Variants in APP observed in about 807,000 individuals in gnomAD.
The protein encoded by APP is amyloid beta precursor protein, also known as amyloid-beta precursor protein.
A neutral mutation model predicts 101.4 loss-of-function variants in APP; 31 were observed. The observed-to-expected ratio is 0.31, with a 90% CI of 0.23 to 0.41. The LOEUF is 0.41. Ranked by LOEUF, APP falls within the 10% of genes least tolerant of loss-of-function variation. The probability of loss-of-function intolerance (pLI) is 1.00; values close to 1 mark genes in which losing one functional copy is unlikely to be tolerated. For missense variants in APP, 839 were observed against 1,003.7 expected (o/e 0.84, Z 2.22); for synonymous variants, 366 against 364.4 (o/e 1.00, Z -0.05).
At chr21:25,881,814 CTT>C in intron 17 of APP, 43 bp from the exon 18 acceptor site, 2 of 1,573,854 alleles carry the variant, frequency 1.3e-6, no homozygotes, top group Non-Finnish European at 1.7e-6. Flanking sequence ...AAAAATCAAT[CTT>C]TTAAGGGTGA....
chr21:26,080,450 T>G (rs1568948298), intron 3 of APP, among the ~76,000 whole-genome samples: 1 of 152,104 alleles, frequency 6.6e-6, no homozygotes, highest in Non-Finnish European at 1.5e-5. Flanking sequence ...TTTACATGAC[T>G]GAATTAAAAT....
rs150860517 is a variant in APP, at chr21:25,953,608, T to C, written c.1687+982A>G. On this transcript the variant is annotated intron_variant, in intron 13 of 17. Coordinates refer to ENST00000346798, the MANE Select transcript of APP (RefSeq NM_000484.4). Reference sequence around the variant, plus strand: ...CAGATACATATTGCTTATATGTTGGTAGACTACACACTAAATCTCCAGTAT... The same window carrying C: ...CAGATACATATTGCTTATATGTTGGCAGACTACACACTAAATCTCCAGTAT... 3.2e-3 allele frequency among the ~76,000 whole-genome samples: 489 copies of C among 152,340 alleles called. 2 individuals carry two copies. The highest frequency in any genetic ancestry group is 0.01 in the African/African-American group (428 of 41,576).
Position 25,880,847 on chromosome 21 carries a change from G to A in APP, c.*823C>T, listed in dbSNP as rs566047180. 2 of 152,590 alleles carry A rather than the reference G, an allele frequency of 1.3e-5. No individual in the cohort carries two copies. The highest frequency in any genetic ancestry group is 2.9e-5 in the Non-Finnish European group (2 of 68,064). 9.5% of individuals were successfully genotyped at this position (152,590 alleles called of 1,614,324 possible). The stretch of plus-strand genomic sequence containing the variant: ...ATTTATGTAATACAGTGTAGAAAGC[G>A]ATCATGTCATAAGCAATGATTCTGT... On this transcript the variant is annotated 3_prime_UTR_variant, in exon 18 of 18. Coordinates refer to ENST00000346798, the MANE Select transcript of APP (RefSeq NM_000484.4).
At chr21:25,931,115 G>C (rs1444884375) in intron 13 of APP, among the ~76,000 whole-genome samples, 1 of 152,188 alleles carries the variant, frequency 6.6e-6, no homozygotes, top group Admixed American at 6.5e-5. Context: ...CTTTTCACTT[G>C]AAGGGCTCAT....
At chr21:25,916,058 C>T (rs1211849896) in intron 13 of APP, among the ~76,000 whole-genome samples, 1 of 151,904 alleles carries the variant, frequency 6.6e-6, no homozygotes, top group Non-Finnish European at 1.5e-5. Context: ...AAATAACCAC[C>T]CCTGGCTATG....
At chr21:25,888,499 A>G (rs1876064) in intron 17 of APP, among the ~76,000 whole-genome samples, 30,609 of 152,188 alleles carry the variant, frequency 0.2, 3,535 homozygotes, top group South Asian at 0.36. Flanking sequence ...GGCTGCTTTC[A>G]GGAAGGACAG....
intron 6 of APP, among the ~76,000 whole-genome samples, chr21:26,002,720 CA>C (rs2043351703): frequency 6.6e-6 from 1 of 152,066 alleles, no homozygotes; most frequent in East Asian, 1.9e-4. Context: ...GGAGCATTGG[CA>C]ACAAAATTTA....
intron 6 of APP, among the ~76,000 whole-genome samples, chr21:26,018,391 C>T (rs1320057297): frequency 6.6e-6 from 1 of 152,226 alleles, no homozygotes; most frequent in African/African-American, 2.4e-5. Flanking sequence ...AAGCAACCTA[C>T]TTGTAATTAG....
At chr21:25,967,067 A>C (rs1277582717) in intron 11 of APP, among the ~76,000 whole-genome samples, 1 of 152,248 alleles carries the variant, frequency 6.6e-6, no homozygotes, top group Non-Finnish European at 1.5e-5. Flanking sequence ...TTTAATGAAG[A>C]GTCTCACAGA....
At chr21:25,899,333 C>T (rs1304408837) in intron 15 of APP, among the ~76,000 whole-genome samples, 4 of 152,142 alleles carry the variant, frequency 2.6e-5, no homozygotes, top group Non-Finnish European at 4.4e-5. Flanking sequence ...TGCTGATACT[C>T]CTTCCTTCAA....
At chr21:25,939,761 GTTAATATCC>G (rs1288475137) in intron 13 of APP, among the ~76,000 whole-genome samples, 3 of 151,870 alleles carry the variant, frequency 2.0e-5, no homozygotes, top group Admixed American at 2.0e-4. Flanking sequence ...TCCTGTTACT[GTTAATATCC>G]TTAAAACACT....
At chr21:25,985,582 C>G (rs868321532) in intron 8 of APP, among the ~76,000 whole-genome samples, 36 of 152,270 alleles carry the variant, frequency 2.4e-4, no homozygotes, top group Middle Eastern at 3.4e-3. Flanking sequence ...ATACCACCAG[C>G]TCTCCTGGGT....
At chr21:25,903,240 G>A (rs566419561) in intron 15 of APP, among the ~76,000 whole-genome samples, 45 of 151,594 alleles carry the variant, frequency 3.0e-4, no homozygotes, top group African/African-American at 8.0e-4. Flanking sequence ...ATGGTGGGGC[G>A]CATCTGTAGT....
At chr21:26,105,323 T>C (rs1455085901) in intron 2 of APP, among the ~76,000 whole-genome samples, 1 of 152,076 alleles carries the variant, frequency 6.6e-6, no homozygotes, top group Non-Finnish European at 1.5e-5. Context: ...CTGTAAACAA[T>C]GAGTCCAGTT....
intron 13 of APP, among the ~76,000 whole-genome samples, chr21:25,926,235 G>C (rs571499286): frequency 6.6e-5 from 10 of 152,284 alleles, no homozygotes; most frequent in South Asian, 2.1e-4. Flanking sequence ...CTTCATTGCT[G>C]GGTTTCCCAG....
intron 11 of APP, among the ~76,000 whole-genome samples, chr21:25,967,701 C>T (rs436025): frequency 0.63 from 95,216 of 151,874 alleles, 30,704 homozygotes; most frequent in African/African-American, 0.78. Flanking sequence ...GAAGGATAAG[C>T]AGAACGCTGA....
At chr21:26,051,282 C>A in intron 4 of APP, 89 bp from the exon 5 acceptor site, 2 of 1,318,118 alleles carry the variant, frequency 1.5e-6, no homozygotes, top group African/African-American at 1.5e-5. Context: ...ACATGCAGAC[C>A]CAATATATTA....
Position 26,009,403 on chromosome 21 carries a change from T to C in APP, c.866-9221A>G, listed in dbSNP as rs189078788. Among the ~76,000 whole-genome samples, 375 of 152,280 alleles carry C rather than the reference T, an allele frequency of 2.5e-3. 3 individuals are homozygous for C. The highest frequency in any genetic ancestry group is 8.4e-3 in the African/African-American group (351 of 41,546). ...CTCTGCCTTAGATCCAGTACCAAGA[T>C]CATAATTTTCTTACTCATATTAAGA... On this transcript the variant is annotated intron_variant, in intron 6 of 17. Transcript: ENST00000346798.
intron 15 of APP, among the ~76,000 whole-genome samples, chr21:25,900,171 C>T (rs1287830660): frequency 2.6e-5 from 4 of 151,954 alleles, no homozygotes; most frequent in African/African-American, 7.3e-5. Context: ...CTTTCTATAG[C>T]CCTTTTAAAT....
Sources: gnomAD v4.1 joint callset for allele counts (sites outside exome capture counted in the v4.1 genomes callset) on GRCh38, gnomAD v4.1.1 for gene constraint, MANE v1.5 for transcripts, NCBI Gene and HGNC (gene_info 2026-07-23, HGNC 2026-07-21) for gene names.